Variants in ERMP1 observed in about 807,000 individuals in gnomAD.
The protein encoded by ERMP1 is Felix-ina.
In ERMP1, 86 loss-of-function variants were observed where a neutral mutation model predicts 92.0. The ratio of observed to expected loss-of-function variants is 0.93; its 90% CI spans 0.79 to 1.12. The LOEUF (loss-of-function observed/expected upper bound fraction) is 1.12. Among genes scored for constraint, ERMP1 ranks in the 50% most tolerant of loss-of-function variants. ERMP1 has a pLI of 0.00. For missense variants in ERMP1, 1,342 were observed against 1,116.3 expected (o/e 1.20, Z -2.88); for synonymous variants, 530 against 412.8 (o/e 1.28, Z -3.44).
At chr9:5,863,611 G>A (rs972996328) in intron 5 of ERMP1, among the ~76,000 whole-genome samples, 3 of 152,128 alleles carry the variant, frequency 2.0e-5, no homozygotes, top group Admixed American at 1.3e-4. Flanking sequence ...ATCAACAAGC[G>A]TTACTGTTGA....
At chr9:5,792,821 A>G (rs1828255478) in intron 13 of ERMP1, among the ~76,000 whole-genome samples, 1 of 152,240 alleles carries the variant, frequency 6.6e-6, no homozygotes. Context: ...TAAAATAAGT[A>G]TAATTGATAT....
At chr9:5,840,981 G>A (rs570960461) in intron 6 of ERMP1, among the ~76,000 whole-genome samples, 17 of 152,194 alleles carry the variant, frequency 1.1e-4, no homozygotes, top group Non-Finnish European at 1.8e-4. Context: ...AGCCTGAGGC[G>A]AACTTGATTT....
chr9:5,809,979 G>A, intron 8 of ERMP1, 32 bp downstream of exon 8: 2 of 1,453,864 alleles, frequency 1.4e-6, no homozygotes, highest in Non-Finnish European at 1.9e-6. Context: ...GGAGGCAACA[G>A]AAAGAAATCA....
rs749695805 is a variant in ERMP1, at chr9:5,812,234, G to GA, written c.1022-18dup. The GA allele has an allele frequency of 8.1e-3, 10,533 of 1,299,694 alleles. 1 individual carries two copies. The highest frequency in any genetic ancestry group is 0.011 in the South Asian group (750 of 69,096). The allele number at this position is 1,299,694 out of a possible 1,614,324, so 80.5% of individuals were successfully genotyped here. ...AGTCTATTCCTAAAACATATATATAGAAAAAAAAAAGTCATTTTGCTTTAA... is the reference window on the plus strand; with the variant it reads ...AGTCTATTCCTAAAACATATATATAGAAAAAAAAAAAGTCATTTTGCTTTAA... On this transcript the variant is annotated splice_polypyrimidine_tract_variant and intron_variant, in intron 5 of 14. Coordinates refer to ENST00000339450, the MANE Select transcript of ERMP1 (RefSeq NM_024896.3).
chr9:5,844,190 TC>T (rs1830205728), intron 6 of ERMP1, among the ~76,000 whole-genome samples: 1 of 152,202 alleles, frequency 6.6e-6, no homozygotes, highest in Non-Finnish European at 1.5e-5. Flanking sequence ...CCTGCAGCCT[TC>T]CAGCTCTTTC....
At chr9:5,861,719 T>TTG (rs1421984473) in intron 5 of ERMP1, among the ~76,000 whole-genome samples, 5 of 127,710 alleles carry the variant, frequency 3.9e-5, no homozygotes, top group South Asian at 5.5e-4. Context: ...GAGGAAGGGT[T>TTG]TTTTTTTTTT....
rs1479267492 is a variant in ERMP1 at position 5,784,798 on chromosome 9, A to G, written c.*2346T>C. ...TCATGCGACAATCATTCTTAGGTCA[A>G]ACACAAGAACGAACTATTTTGAAAT... On this transcript the variant is annotated 3_prime_UTR_variant, in exon 15 of 15. Transcript: ENST00000339450. 1 of 149,224 alleles carries G rather than the reference A, an allele frequency of 6.7e-6. No individual in the cohort carries two copies. Among genetic ancestry groups the G allele is most frequent in the East Asian group, 1.9e-4 (1 of 5,208 alleles). The allele number at this position is 149,224 out of a possible 1,614,324, so 9.2% of individuals were successfully genotyped here.
chr9:5,834,771 C>T (rs1830065932), upstream of ERMP1, among the ~76,000 whole-genome samples: 1 of 122,778 alleles, frequency 8.1e-6, no homozygotes, highest in Non-Finnish European at 1.6e-5. Flanking sequence ...CCCATGGTAC[C>T]ATAATAGGGA....
chr9:5,849,526 C>T (rs1830280697), intron 6 of ERMP1, among the ~76,000 whole-genome samples: 1 of 152,198 alleles, frequency 6.6e-6, no homozygotes, highest in Admixed American at 6.5e-5. Context: ...TCTTCCCACA[C>T]CACTTGGTGT....
chr9:5,840,632 G>A (rs1213977681), intron 6 of ERMP1, among the ~76,000 whole-genome samples: 1 of 152,242 alleles, frequency 6.6e-6, no homozygotes, highest in East Asian at 1.9e-4. Flanking sequence ...GAGCATGGGT[G>A]CTGCGCTGAA....
intron 2 of ERMP1, among the ~76,000 whole-genome samples, chr9:5,828,744 C>T (rs1262151266): frequency 1.3e-5 from 2 of 152,244 alleles, no homozygotes; most frequent in East Asian, 3.9e-4. Flanking sequence ...TCTTTTGTTA[C>T]AGGGGTCCAC....
At chr9:5,826,622 G>C (rs573865175) in intron 2 of ERMP1, among the ~76,000 whole-genome samples, 112 of 152,202 alleles carry the variant, frequency 7.4e-4, no homozygotes, top group Non-Finnish European at 1.3e-3. Context: ...TACTTGTCTT[G>C]GTGGTGATTA....
rs1827956184 is a variant in ERMP1 at position 5,786,779 on chromosome 9, A to C, written c.*365T>G. 2 of 168,296 alleles carry C rather than the reference A, an allele frequency of 1.2e-5. No individual in the cohort carries two copies. Among genetic ancestry groups the C allele is most frequent in the African/African-American group, 4.8e-5 (2 of 41,724 alleles). The allele number at this position is 168,296 out of a possible 1,614,324, so 10.4% of individuals were successfully genotyped here. On this transcript the variant is annotated 3_prime_UTR_variant, in exon 15 of 15. Coordinates refer to ENST00000339450, the MANE Select transcript of ERMP1 (RefSeq NM_024896.3). ...TGGTTTTGGGGCTTAAATTGGAAAC[A>C]ACTTTTGTCTCATTAACAATGCTCT...
chr9:5,865,438 G>A (rs1490931451), intron 5 of ERMP1, among the ~76,000 whole-genome samples: 2 of 151,778 alleles, frequency 1.3e-5, no homozygotes, highest in East Asian at 3.9e-4. Flanking sequence ...AGCCCGGGAG[G>A]CGGAGCTTGC....
chr9:5,827,809 C>T (rs1829781388), intron 2 of ERMP1, among the ~76,000 whole-genome samples: 1 of 147,224 alleles, frequency 6.8e-6, no homozygotes, highest in Non-Finnish European at 1.5e-5. Context: ...AGCGAGACTC[C>T]GTCTCAAAAA....
At chr9:5,828,394 C>A (rs1829809348) in intron 2 of ERMP1, among the ~76,000 whole-genome samples, 1 of 152,188 alleles carries the variant, frequency 6.6e-6, no homozygotes, top group African/African-American at 2.4e-5. Context: ...ACCAAGGTGT[C>A]CCCACTTCCC....
intron 13 of ERMP1, among the ~76,000 whole-genome samples, chr9:5,796,535 A>G (rs1828431546): frequency 6.6e-6 from 1 of 152,234 alleles, no homozygotes; most frequent in Non-Finnish European, 1.5e-5. Context: ...ACAACGGACT[A>G]TTCAGCAATA....
At chr9:5,864,927 G>A (rs917203556) in intron 5 of ERMP1, among the ~76,000 whole-genome samples, 1 of 152,106 alleles carries the variant, frequency 6.6e-6, no homozygotes, top group African/African-American at 2.4e-5. Flanking sequence ...GATATAACAT[G>A]AGATCCTAAC....
intron 2 of ERMP1, among the ~76,000 whole-genome samples, chr9:5,829,301 T>TAA (rs1468837611): frequency 1.3e-5 from 2 of 151,908 alleles, no homozygotes; most frequent in African/African-American, 4.8e-5. Flanking sequence ...AACAAACGTG[T>TAA]GTATACTGAT....
Sources: allele counts gnomAD v4.1 joint callset (sites outside exome capture counted in the v4.1 genomes callset), GRCh38; gene constraint gnomAD v4.1.1; transcripts MANE v1.5; gene names NCBI Gene and HGNC (gene_info 2026-07-23, HGNC 2026-07-21).